Variants in ABI3BP observed in about 807,000 individuals in gnomAD.
ABI3BP encodes target of Nesh-SH3.
A neutral mutation model predicts 268.6 loss-of-function variants in ABI3BP; 216 were observed. The ratio of observed to expected loss-of-function variants is 0.80; its 90% CI spans 0.72 to 0.90. ABI3BP has a LOEUF of 0.90. Ranked by LOEUF, ABI3BP falls within the 40% of genes least tolerant of loss-of-function variation. The pLI, the probability that ABI3BP is intolerant of heterozygous loss-of-function variation, is 0.00. For synonymous variants in ABI3BP, 730 were observed against 730.0 expected, an observed-to-expected ratio of 1.00 and a Z score of 0.00; for missense variants, 2,090 against 2,182.4, an observed-to-expected ratio of 0.96 and a Z score of 0.84.
intron 1 of ABI3BP, among the ~76,000 whole-genome samples, chr3:100,927,707 A>G (rs1360301402): frequency 6.6e-6 from 1 of 152,150 alleles, no homozygotes; most frequent in South Asian, 2.1e-4. Context: ...TTGCTAAACC[A>G]TTAGAAACCA....
intron 1 of ABI3BP, among the ~76,000 whole-genome samples, chr3:100,929,083 A>G (rs13060137): frequency 0.1 from 15,714 of 152,132 alleles, 1,105 homozygotes; most frequent in Non-Finnish European, 0.15. Context: ...CTACCTTAGA[A>G]GGCTATCAAG....
At chr3:100,854,743 G>A (rs1470067777) in intron 14 of ABI3BP, among the ~76,000 whole-genome samples, 1 of 152,044 alleles carries the variant, frequency 6.6e-6, no homozygotes, top group East Asian at 1.9e-4. Context: ...TAAATCGAAT[G>A]CAACAAATAA....
chr3:100,974,804 T>A (rs1394731642), intron 1 of ABI3BP, among the ~76,000 whole-genome samples: 1 of 152,174 alleles, frequency 6.6e-6, no homozygotes, highest in Non-Finnish European at 1.5e-5. Context: ...GATTAAGATA[T>A]AACTACAGAA....
chr3:100,961,879 G>T (rs2079238559), intron 1 of ABI3BP, among the ~76,000 whole-genome samples: 1 of 152,054 alleles, frequency 6.6e-6, no homozygotes, highest in African/African-American at 2.4e-5. Flanking sequence ...TAGATTCCAT[G>T]GCCCATCACT....
intron 1 of ABI3BP, among the ~76,000 whole-genome samples, chr3:100,977,414 T>C (rs1236195040): frequency 6.7e-6 from 1 of 148,564 alleles, no homozygotes; most frequent in Non-Finnish European, 1.5e-5. Flanking sequence ...AGGTTGCAGT[T>C]AAGATATTGG....
chr3:100,830,136 T>C (rs868472297), intron 32 of ABI3BP, among the ~76,000 whole-genome samples: 22 of 59,286 alleles, frequency 3.7e-4, no homozygotes, highest in South Asian at 8.6e-4. Flanking sequence ...TATATATATA[T>C]ATATATATAT....
At chr3:100,915,212 C>T (rs1236595950) in intron 2 of ABI3BP, among the ~76,000 whole-genome samples, 1 of 152,156 alleles carries the variant, frequency 6.6e-6, no homozygotes, top group Non-Finnish European at 1.5e-5. Flanking sequence ...GTGCTTTACT[C>T]TTATCCCCCA....
intron 2 of ABI3BP, among the ~76,000 whole-genome samples, chr3:100,919,514 C>G (rs1221685982): frequency 6.6e-6 from 1 of 152,126 alleles, no homozygotes; most frequent in Non-Finnish European, 1.5e-5. Context: ...ATATAAATTG[C>G]ATTAAAATTT....
In ABI3BP at chr3:100,765,822, AATAGCACT is replaced by A; in HGVS notation, c.4850+11_4850+18del. 1 of 1,543,138 alleles carries A rather than the reference AATAGCACT, an allele frequency of 6.5e-7. No individual in the cohort carries two copies. Among genetic ancestry groups the A allele is most frequent in the Admixed American group, 1.8e-5 (1 of 56,440 alleles). ...TTTTGCACTCTCAGAATTTACCTGG[AATAGCACT>A]GGTGGCTTACCTCGTGTTTGGTTTC... On this transcript the variant is annotated intron_variant, in intron 63 of 67. Transcript: ENST00000471714.
At chr3:100,764,458 A>G (rs1478860069) in intron 63 of ABI3BP, among the ~76,000 whole-genome samples, 2 of 152,254 alleles carry the variant, frequency 1.3e-5, no homozygotes, top group African/African-American at 4.8e-5. Flanking sequence ...TTACAAACAA[A>G]TTGGGTTTAA....
At chr3:100,832,513 T>C (rs1456260583) in intron 30 of ABI3BP, among the ~76,000 whole-genome samples, 163 bp from the exon 31 acceptor site, 2 of 152,276 alleles carry the variant, frequency 1.3e-5, no homozygotes, top group East Asian at 1.9e-4. Context: ...TAGGTTTTCT[T>C]TGATAACTGA....
intron 59 of ABI3BP, 142 bp downstream of exon 59, chr3:100,778,142 T>C: frequency 1.3e-6 from 1 of 777,040 alleles, no homozygotes; most frequent in East Asian, 2.8e-5. Flanking sequence ...AAGCCATCAT[T>C]TACAGTGTCT....
rs1396163261 is a variant in ABI3BP at position 100,885,550 on chromosome 3, G to T, written c.682C>A (p.Gln228Lys). 3 of 1,557,642 alleles carry T rather than the reference G, an allele frequency of 1.9e-6. No individual in the cohort carries two copies. The highest frequency in any genetic ancestry group is 1.7e-6 in the Non-Finnish European group (2 of 1,147,586). ...VNGKIQSTYD[Q>K]DHTVPAYVPR... ...CTGTTACATACCACTGTGTGGTCTT[G>T]GTCATAGGTACTTTGGATTTTCCCA... Residue 228 changes from glutamine to lysine, a missense_variant, in exon 6 of 68, where the codon CAA becomes AAA. Physicochemically the swap from Gln to Lys is moderately conservative, Grantham distance 53. Transcript: ENST00000471714.
intron 54 of ABI3BP, 140 bp from the exon 55 acceptor site, chr3:100,792,908 T>A (rs1438819720): frequency 1.0e-5 from 7 of 677,164 alleles, no homozygotes; most frequent in Non-Finnish European, 1.8e-5. Flanking sequence ...ATCACAATAA[T>A]TCAAAGTTAG....
intron 43 of ABI3BP, 50 bp downstream of exon 43, chr3:100,816,638 G>A (rs776516242): frequency 4.9e-6 from 7 of 1,415,084 alleles, no homozygotes; most frequent in Non-Finnish European, 6.8e-6. Flanking sequence ...GGGACAGCCT[G>A]CCAGGGTTCA....
chr3:100,856,098 C>A (rs1311491468), intron 14 of ABI3BP, among the ~76,000 whole-genome samples: 2 of 152,200 alleles, frequency 1.3e-5, no homozygotes, highest in Non-Finnish European at 2.9e-5. Flanking sequence ...TCGTTTTCTC[C>A]TCTTTTGAAC....
At chr3:100,844,574 C>A (rs2098746263) in intron 20 of ABI3BP, 1 of 395,056 alleles carries the variant, frequency 2.5e-6, no homozygotes, top group Non-Finnish European at 3.4e-6. Context: ...CTCTTCCAAA[C>A]CTTGGCTAGA....
chr3:100,847,617 T>TA lies in ABI3BP; in HGVS notation c.1632dup (p.Thr545TyrfsTer9). 2 of 1,613,290 alleles carry TA rather than the reference T, an allele frequency of 1.2e-6. No homozygotes were observed. The highest frequency in any genetic ancestry group is 1.7e-6 in the Non-Finnish European group (2 of 1,179,228). ...TCATTATTACCCGGTGTTGTCCATG[T>TA]AGGTTCAGGGCTTTTAGAAATTTTA... On this transcript the variant is annotated frameshift_variant, in exon 19 of 68. Transcript: ENST00000471714. LOFTEE classifies it high-confidence loss of function.
At chr3:100,974,652 A>G (rs1260320407) in intron 1 of ABI3BP, among the ~76,000 whole-genome samples, 1 of 152,176 alleles carries the variant, frequency 6.6e-6, no homozygotes, top group African/African-American at 2.4e-5. Context: ...GAAATGCTTT[A>G]CTTGATTAAC....
Sources: allele counts gnomAD v4.1 joint callset (sites outside exome capture counted in the v4.1 genomes callset), GRCh38; gene constraint gnomAD v4.1.1; transcripts MANE v1.5; gene names NCBI Gene and HGNC (gene_info 2026-07-23, HGNC 2026-07-21).